Variants in ATRNL1 observed in about 807,000 individuals in gnomAD.
ATRNL1 encodes attractin-like protein 1.
ATRNL1 carries 95 observed loss-of-function variants against 182.7 expected under a neutral mutation model. The ratio of observed to expected loss-of-function variants is 0.52; its 90% CI spans 0.44 to 0.62. The LOEUF (loss-of-function observed/expected upper bound fraction) is 0.62. Among genes scored for constraint, ATRNL1 ranks in the 20% least tolerant of loss-of-function variants. The pLI, the probability that ATRNL1 is intolerant of heterozygous loss-of-function variation, is 0.00. For missense variants in ATRNL1, 1,471 were observed against 1,679.5 expected, an observed-to-expected ratio of 0.88 and a Z score of 2.17; for synonymous variants, 576 against 568.3, an observed-to-expected ratio of 1.01 and a Z score of -0.19.
chr10:115,303,370 A>G (rs1230368512), intron 17 of ATRNL1, among the ~76,000 whole-genome samples: 1 of 151,838 alleles, frequency 6.6e-6, no homozygotes, highest in Non-Finnish European at 1.5e-5. Context: ...GACTACAGGC[A>G]TGTGCCACCA....
chr10:115,660,302 C>T (rs974318030), intron 26 of ATRNL1, among the ~76,000 whole-genome samples: 2 of 152,006 alleles, frequency 1.3e-5, no homozygotes, highest in African/African-American at 2.4e-5. Context: ...TATGACCAGG[C>T]AACTAGTTGG....
chr10:115,261,858 C>G (rs1851406006), intron 10 of ATRNL1, among the ~76,000 whole-genome samples: 1 of 151,956 alleles, frequency 6.6e-6, no homozygotes, highest in South Asian at 2.1e-4. Flanking sequence ...ACAGCCTAGG[C>G]AATATAGCAA....
chr10:115,231,180 G>A (rs541509599), intron 9 of ATRNL1, among the ~76,000 whole-genome samples: 4 of 152,292 alleles, frequency 2.6e-5, no homozygotes, highest in Admixed American at 6.5e-5. Context: ...GAAACAACCA[G>A]AAAAGGAGAC....
intron 13 of ATRNL1, among the ~76,000 whole-genome samples, chr10:115,273,225 C>A (rs1554913806): frequency 6.6e-6 from 1 of 152,148 alleles, no homozygotes; most frequent in African/African-American, 2.4e-5. Context: ...TCCCTGCCAC[C>A]ATGGCCACTT....
intron 26 of ATRNL1, among the ~76,000 whole-genome samples, chr10:115,632,148 A>G (rs544579099): frequency 1.4e-4 from 22 of 152,264 alleles, no homozygotes; most frequent in Admixed American, 1.3e-3. Flanking sequence ...TTAACTGTGG[A>G]ATTATATAGA....
chr10:115,174,161 G>A (rs1847403676), intron 8 of ATRNL1, among the ~76,000 whole-genome samples: 1 of 151,322 alleles, frequency 6.6e-6, no homozygotes, highest in Admixed American at 6.6e-5. Context: ...GGTTTCACTT[G>A]ATTTTTGTAC....
chr10:115,170,954 G>T (rs1160450249), intron 7 of ATRNL1, 83 bp from the exon 8 acceptor site: 2 of 862,226 alleles, frequency 2.3e-6, no homozygotes, highest in African/African-American at 1.8e-5. Context: ...AAAATTTTAT[G>T]TAAATTTAAC....
chr10:115,694,046 G>A (rs1047252940), intron 26 of ATRNL1, among the ~76,000 whole-genome samples: 2 of 151,954 alleles, frequency 1.3e-5, no homozygotes, highest in Non-Finnish European at 2.9e-5. Context: ...TATCCATATA[G>A]TAACCCATGT....
intron 28 of ATRNL1, among the ~76,000 whole-genome samples, chr10:115,879,009 C>T (rs1366886299): frequency 1.3e-5 from 2 of 151,968 alleles, no homozygotes; most frequent in Non-Finnish European, 2.9e-5. Context: ...ATATTCTATG[C>T]CAGGTAGTGT....
chr10:115,897,826 T>C (rs1364124408), intron 28 of ATRNL1, among the ~76,000 whole-genome samples: 1 of 152,238 alleles, frequency 6.6e-6, no homozygotes, highest in Non-Finnish European at 1.5e-5. Flanking sequence ...ATTTGTTTCT[T>C]CTTTGTTTAT....
intron 25 of ATRNL1, among the ~76,000 whole-genome samples, chr10:115,540,672 G>A (rs1431344123): frequency 2.7e-5 from 4 of 150,904 alleles, no homozygotes; most frequent in Non-Finnish European, 5.9e-5. Flanking sequence ...AGGCAGAATT[G>A]CTTGAACCCA....
intron 25 of ATRNL1, among the ~76,000 whole-genome samples, chr10:115,525,334 A>T (rs1851153631): frequency 6.6e-6 from 1 of 152,144 alleles, no homozygotes; most frequent in African/African-American, 2.4e-5. Context: ...TAATTATGGT[A>T]ATTGTGGTTT....
intron 24 of ATRNL1, among the ~76,000 whole-genome samples, chr10:115,494,403 G>T (rs918300283): frequency 6.6e-6 from 1 of 152,126 alleles, no homozygotes; most frequent in East Asian, 1.9e-4. Flanking sequence ...AGGCATCCTT[G>T]TTTTGTCCCA....
chr10:115,661,096 A>T (rs914226633), intron 26 of ATRNL1, among the ~76,000 whole-genome samples: 2 of 152,070 alleles, frequency 1.3e-5, no homozygotes, highest in Non-Finnish European at 2.9e-5. Flanking sequence ...TTGTATCCTC[A>T]GCATCTAAGA....
intron 19 of ATRNL1, among the ~76,000 whole-genome samples, chr10:115,341,641 ATCTC>A (rs1855756293): frequency 6.6e-6 from 1 of 152,100 alleles, no homozygotes; most frequent in Admixed American, 6.6e-5. Flanking sequence ...ATTGGGGCCT[ATCTC>A]TCTCTTTACC....
intron 27 of ATRNL1, among the ~76,000 whole-genome samples, chr10:115,757,008 T>G (rs1555072235): frequency 6.6e-6 from 1 of 152,310 alleles, no homozygotes; most frequent in African/African-American, 2.4e-5. Context: ...TTGCATTTGC[T>G]TAGTATATCT....
intron 19 of ATRNL1, among the ~76,000 whole-genome samples, chr10:115,392,845 TATTAAGTAGATGCTGGCTAGC>T (rs1322639693): frequency 3.3e-5 from 5 of 152,212 alleles, no homozygotes; most frequent in Non-Finnish European, 5.9e-5. Flanking sequence ...TTGGTCAGAA[TATTAAGTAGATGCTGGCTAGC>T]TGGAAGAAAC....
At chr10:115,870,840 A>G (rs1951561922) in intron 28 of ATRNL1, among the ~76,000 whole-genome samples, 2 of 152,172 alleles carry the variant, frequency 1.3e-5, no homozygotes, top group Non-Finnish European at 2.9e-5. Context: ...TTTTCTCATC[A>G]TAATTTGAAG....
intron 9 of ATRNL1, among the ~76,000 whole-genome samples, chr10:115,218,277 A>G (rs1849308732): frequency 6.6e-6 from 1 of 152,014 alleles, no homozygotes. Flanking sequence ...GTCACTGCAG[A>G]AAACTCTGCT....
Sources: allele counts gnomAD v4.1 joint callset (sites outside exome capture counted in the v4.1 genomes callset), GRCh38; gene constraint gnomAD v4.1.1; transcripts MANE v1.5; gene names NCBI Gene and HGNC (gene_info 2026-07-23, HGNC 2026-07-21).